The following ECPAS variants were observed in gnomAD, a reference collection of about 807,000 sequenced individuals.
ECPAS encodes Ecm29 proteasome adaptor and scaffold, also known as proteasome adapter and scaffold protein ECM29.
ECPAS carries 70 observed loss-of-function variants against 255.1 expected under a neutral mutation model. That is an observed-to-expected ratio of 0.27 (90% CI 0.23 to 0.33). ECPAS has a LOEUF of 0.33. Ranked by LOEUF, ECPAS falls within the 10% of genes least tolerant of loss-of-function variation. The probability of loss-of-function intolerance (pLI) is 1.00; values close to 1 mark genes in which losing one functional copy is unlikely to be tolerated. For missense variants in ECPAS, 1,817 were observed against 2,206.4 expected (o/e 0.82, Z 3.54); for synonymous variants, 784 against 775.0 (o/e 1.01, Z -0.19).
In ECPAS at chr9:111,425,795, T is replaced by G. The variant is rs144132152; in HGVS notation, c.1084A>C (p.Asn362His). 1.9e-6 allele frequency: 3 copies of G among 1,586,878 alleles called. No homozygotes were observed. The highest frequency in any genetic ancestry group is 1.1e-5 in the South Asian group (1 of 88,858). Residue 362 changes from asparagine (N) to histidine (H), a missense_variant, in exon 11 of 50, where the codon AAT (asparagine) becomes CAT (histidine). Around this residue, in one of 4 missense-constraint regions of ECPAS, gnomAD observed 573 missense variants for 716.2 expected, o/e 0.80. Transcript: ENST00000684092. ...VYDGLFGTNTNSKLRTLSLQF... is the reference protein window; with the variant it reads ...VYDGLFGTNTHSKLRTLSLQF... ...AGGGATAATGTTCTTAACTTTGAAT[T>G]TGTATTTGTACCAAAAAGTCCATCA... is the stretch of plus-strand genomic sequence containing the variant.
intron 7 of ECPAS, among the ~76,000 whole-genome samples, chr9:111,433,867 CT>C (rs2098233745): frequency 6.6e-6 from 1 of 152,216 alleles, no homozygotes; most frequent in African/African-American, 2.4e-5. Context: ...GAGTTTCACT[CT>C]ATTGCTTACA....
chr9:111,437,055 G>C lies in ECPAS; in HGVS notation c.593C>G (p.Ser198Cys), dbSNP rs1489084240. 2 of 1,612,968 alleles carry C rather than the reference G, an allele frequency of 1.2e-6. No homozygotes were observed. The highest frequency in any genetic ancestry group is 1.7e-6 in the Non-Finnish European group (2 of 1,179,592). ...AGAACCTCCGCCACTGTTTGAAGAA[G>C]AACCCTGTGCTGAAGATGAATTTTG... ...SRQNSSSAQGSSSNSGGGSGI... is the reference protein window; with the variant it reads ...SRQNSSSAQGCSSNSGGGSGI... The change falls in exon 7 of 50, where the codon TCT (serine) becomes TGT (cysteine). Residue 198 changes from serine (S) to cysteine (C), a missense_variant. Physicochemically the swap from Ser to Cys is moderately radical, Grantham distance 112. Transcript: ENST00000684092.
chr9:111,376,987 G>GT (rs1336014886), intron 36 of ECPAS, among the ~76,000 whole-genome samples: 1 of 152,172 alleles, frequency 6.6e-6, no homozygotes, highest in African/African-American at 2.4e-5. Flanking sequence ...TGAAGGAGAG[G>GT]TTAACACTAT....
At chr9:111,453,638 G>A (rs779646175) in intron 2 of ECPAS, among the ~76,000 whole-genome samples, 4 of 152,184 alleles carry the variant, frequency 2.6e-5, no homozygotes, top group Non-Finnish European at 5.9e-5. Context: ...AGTCCAGTAA[G>A]AAGGTAAACC....
At chr9:111,476,945 G>C (rs537308198) in intron 1 of ECPAS, among the ~76,000 whole-genome samples, 34 of 152,164 alleles carry the variant, frequency 2.2e-4, no homozygotes, top group African/African-American at 8.0e-4. Flanking sequence ...TGGGATTACA[G>C]GCATGCGCCA....
chr9:111,366,660 G>A, intron 46 of ECPAS, 33 bp from the exon 47 acceptor site: 1 of 1,397,614 alleles, frequency 7.2e-7, no homozygotes, highest in South Asian at 1.2e-5. Flanking sequence ...GACAGAGCAG[G>A]AGACAGTATA....
At position 111,384,512 on chromosome 9, in the gene ECPAS, G is replaced by A. The variant is rs1393303048; in HGVS notation, c.3681+10C>T. ...TCCACTCCATTCCCAATGTAAGACG[G>A]GGTTTTCACCTTGCTCAGAGTTTTC... On this transcript the variant is annotated intron_variant, in intron 34 of 49. Transcript: ENST00000684092. 6.2e-7 allele frequency: 1 copy of A among 1,612,838 alleles called. No individual in the cohort carries two copies. The highest frequency in any genetic ancestry group is 8.5e-7 in the Non-Finnish European group (1 of 1,178,884).
At chr9:111,397,284 C>T (rs2098168990) in intron 24 of ECPAS, 131 bp from the exon 25 acceptor site, 3 of 1,086,566 alleles carry the variant, frequency 2.8e-6, no homozygotes, top group East Asian at 5.2e-5. Context: ...AGTTTGCTTT[C>T]GGCTAATTCA....
In ECPAS at chr9:111,370,419, A is replaced by T; in HGVS notation, c.4974+16T>A. 6.6e-7 allele frequency: 1 copy of T among 1,522,444 alleles called. No individual in the cohort carries two copies. The highest frequency in any genetic ancestry group is 1.2e-5 in the South Asian group (1 of 80,172). 94.3% of individuals were successfully genotyped at this position (1,522,444 alleles called of 1,614,324 possible). On this transcript the variant is annotated intron_variant, in intron 45 of 49. Coordinates refer to ENST00000684092, the MANE Select transcript of ECPAS (RefSeq NM_001364929.1). ...TTTAAAGTATAAACCAGAACTGAGG[A>T]TACAGGTGGTATTACCTTCTTGATG...
chr9:111,389,694 A>G lies in ECPAS; in HGVS notation c.3309T>C (p.Ala1103=), dbSNP rs2098156293. 1 of 1,613,262 alleles carries G rather than the reference A, an allele frequency of 6.2e-7. No homozygotes were observed. The highest frequency in any genetic ancestry group is 1.7e-5 in the Admixed American group (1 of 59,866). ...KGAAFGFNVI[A]TRAGEQLAPF... ...GAGCCAGCTGCTCTCCAGCTCTGGT[A>G]GCAATTACATTAAAACCAAAAGCAG... The change falls in exon 31 of 50, where the codon GCT becomes GCC. Residue 1103 remains alanine, a synonymous_variant. Coordinates refer to ENST00000684092, the MANE Select transcript of ECPAS (RefSeq NM_001364929.1).
intron 31 of ECPAS, among the ~76,000 whole-genome samples, chr9:111,388,191 TAA>T (rs2098153391): frequency 6.6e-6 from 1 of 150,502 alleles, no homozygotes; most frequent in Non-Finnish European, 1.5e-5. Flanking sequence ...GACAAAGAGG[TAA>T]ATAACAAACT....
intron 2 of ECPAS, among the ~76,000 whole-genome samples, chr9:111,461,726 T>C (rs928315625): frequency 2.6e-5 from 4 of 152,210 alleles, no homozygotes; most frequent in African/African-American, 9.6e-5. Context: ...TCCGTTTTCA[T>C]GATGCTGATA....
chr9:111,395,139 C>T lies in ECPAS; in HGVS notation c.2777-834G>A, dbSNP rs548211733. ...TCATAACTCCTCATTGATCACATTA[C>T]TCCAGTTCTCAGAGTCAGAATCCCT... On this transcript the variant is annotated intron_variant, in intron 25 of 49. Transcript: ENST00000684092. Among the ~76,000 whole-genome samples the T allele has an allele frequency of 8.5e-5, 13 of 152,332 alleles. No individual in the cohort carries two copies. The South Asian group carries it at 2.7e-3, about 32-fold the overall frequency.
intron 48 of ECPAS, 56 bp downstream of exon 48, chr9:111,366,183 A>G: frequency 8.8e-7 from 1 of 1,134,712 alleles, no homozygotes; most frequent in Admixed American, 2.1e-5. Context: ...TTTGAAGCTC[A>G]GCTCCTTAGC....
At chr9:111,380,991 A>G (rs1281438790) in intron 35 of ECPAS, among the ~76,000 whole-genome samples, 5 of 152,326 alleles carry the variant, frequency 3.3e-5, no homozygotes, top group African/African-American at 9.6e-5. Context: ...TCTCCCTGTT[A>G]GCAAAAGGCT....
intron 35 of ECPAS, among the ~76,000 whole-genome samples, chr9:111,380,383 G>A (rs1182556904): frequency 6.6e-6 from 1 of 151,950 alleles, no homozygotes; most frequent in Non-Finnish European, 1.5e-5. Flanking sequence ...TTTAGCAGTA[G>A]GCCTCAACAG....
At chr9:111,484,029 C>A in intron 1 of ECPAS, 87 bp downstream of exon 1, 1 of 1,048,846 alleles carries the variant, frequency 9.5e-7, no homozygotes, top group Non-Finnish European at 1.1e-6. Context: ...GGACTCGACA[C>A]GCGGCGGCCT....
chr9:111,402,609 C>T (rs757173624), intron 24 of ECPAS, among the ~76,000 whole-genome samples: 1 of 151,994 alleles, frequency 6.6e-6, no homozygotes, highest in African/African-American at 2.4e-5. Flanking sequence ...ATAATGACCA[C>T]AACAATTTGT....
intron 8 of ECPAS, among the ~76,000 whole-genome samples, chr9:111,430,976 C>T (rs2098229020): frequency 6.6e-6 from 1 of 152,176 alleles, no homozygotes; most frequent in South Asian, 2.1e-4. Flanking sequence ...CTTTACTACA[C>T]TTGTTCAAAG....
Sources: gnomAD v4.1 joint callset for allele counts (sites outside exome capture counted in the v4.1 genomes callset) on GRCh38, gnomAD v4.1.1 for gene constraint, gnomAD v4.1.1 regional missense constraint, MANE v1.5 for transcripts, NCBI Gene and HGNC (gene_info 2026-07-23, HGNC 2026-07-21) for gene names.